TENM2: variants seen among roughly 807,000 people sequenced by gnomAD.
TENM2 encodes teneurin transmembrane protein 2.
In TENM2, 52 loss-of-function variants were observed where a neutral mutation model predicts 245.2. The observed-to-expected ratio is 0.21, with a 90% CI of 0.17 to 0.27. The LOEUF (loss-of-function observed/expected upper bound fraction) is 0.27, where lower values mean the gene tolerates loss of function less well. Ranked by LOEUF, TENM2 falls within the 10% of genes least tolerant of loss-of-function variation. TENM2 has a pLI of 1.00. For synonymous variants in TENM2, 1,363 were observed against 1,438.9 expected (o/e 0.95, Z 1.19); for missense variants, 3,046 against 3,666.8 (o/e 0.83, Z 4.37).
the TENM2 span, among the ~76,000 whole-genome samples, chr5:167,206,310 CTG>C: frequency 6.6e-6 from 1 of 152,168 alleles, no homozygotes; most frequent in Non-Finnish European, 1.5e-5. Context: ...ACCTATGACA[CTG>C]TGTTTTATTA....
chr5:167,909,081 T>C (rs867848609), intron 3 of TENM2, among the ~76,000 whole-genome samples: 15 of 151,890 alleles, frequency 9.9e-5, no homozygotes, highest in South Asian at 6.2e-4. Flanking sequence ...TTTTTTTTTT[T>C]TTTAGTAAAA....
At chr5:167,858,259 A>T (rs189665530) in intron 2 of TENM2, among the ~76,000 whole-genome samples, 4 of 152,388 alleles carry the variant, frequency 2.6e-5, no homozygotes, top group Admixed American at 2.6e-4. Flanking sequence ...CATCTGTACC[A>T]TGTCTTCATA....
At chr5:168,118,718 A>G (rs1422308238) in intron 10 of TENM2, among the ~76,000 whole-genome samples, 4 of 152,154 alleles carry the variant, frequency 2.6e-5, no homozygotes, top group South Asian at 2.1e-4. Context: ...CTTTGTAGAA[A>G]TTGATTCCTT....
intron 9 of TENM2, among the ~76,000 whole-genome samples, chr5:168,109,314 C>G (rs929070208): frequency 6.6e-6 from 1 of 152,164 alleles, no homozygotes; most frequent in Non-Finnish European, 1.5e-5. Context: ...GATAAAATAG[C>G]GTAAGAAGAA....
the TENM2 span, among the ~76,000 whole-genome samples, chr5:167,204,545 G>A: frequency 6.6e-6 from 1 of 152,194 alleles, no homozygotes; most frequent in Non-Finnish European, 1.5e-5. Flanking sequence ...TCCTGCTTAG[G>A]ATTGCCAAAA....
At chr5:167,903,263 T>C (rs1775848083) in intron 3 of TENM2, among the ~76,000 whole-genome samples, 2 of 152,184 alleles carry the variant, frequency 1.3e-5, no homozygotes, top group Non-Finnish European at 2.9e-5. Context: ...ATAAGCATTG[T>C]GAGCTCAAGA....
At chr5:168,135,089 A>G (rs184935644) in intron 12 of TENM2, among the ~76,000 whole-genome samples, 38 of 152,292 alleles carry the variant, frequency 2.5e-4, no homozygotes, top group African/African-American at 8.2e-4. Flanking sequence ...ATTTGACTCA[A>G]TCAAGTACCA....
rs562897890 is a variant in TENM2 at position 167,718,635 on chromosome 5, T to G, written c.503-157351T>G. ...TTGATATCTGAATTATTTTATCCAT[T>G]GTATAGTGGAAAGAATATGGGTTTT... On this transcript the variant is annotated intron_variant, in intron 2 of 28. Coordinates refer to ENST00000518659, the Ensembl canonical transcript of TENM2. Among the ~76,000 whole-genome samples the G allele has an allele frequency of 1.6e-3, 240 of 152,278 alleles. 1 individual carries two copies. The highest frequency in any genetic ancestry group is 1.9e-3 in the South Asian group (9 of 4,824).
At chr5:167,746,204 G>A (rs1193677047) in intron 2 of TENM2, among the ~76,000 whole-genome samples, 1 of 152,080 alleles carries the variant, frequency 6.6e-6, no homozygotes, top group Non-Finnish European at 1.5e-5. Context: ...TAACAAAAAA[G>A]CAGGCATTTC....
chr5:167,615,590 A>G (rs1777739635), intron 2 of TENM2, among the ~76,000 whole-genome samples: 1 of 152,142 alleles, frequency 6.6e-6, no homozygotes, highest in Admixed American at 6.5e-5. Context: ...CACAGATTTC[A>G]GGTGGGGCAT....
the TENM2 span, among the ~76,000 whole-genome samples, chr5:167,162,612 G>T: frequency 2.0e-5 from 3 of 147,036 alleles, no homozygotes; most frequent in African/African-American, 7.6e-5. Context: ...TGGTGACAAA[G>T]CAAGACTGTA....
At chr5:167,792,467 C>T (rs2150903697) in intron 2 of TENM2, among the ~76,000 whole-genome samples, 1 of 151,966 alleles carries the variant, frequency 6.6e-6, no homozygotes, top group Non-Finnish European at 1.5e-5. Context: ...TGGAACATAT[C>T]CCAACCAGAA....
chr5:167,021,426 GTAGAA>G, the TENM2 span, among the ~76,000 whole-genome samples: 2 of 152,204 alleles, frequency 1.3e-5, no homozygotes, highest in African/African-American at 4.8e-5. Flanking sequence ...CCATTACTTT[GTAGAA>G]TGCACAGAAC....
intron 2 of TENM2, among the ~76,000 whole-genome samples, chr5:167,501,597 T>G (rs1322505015): frequency 6.6e-6 from 1 of 152,178 alleles, no homozygotes; most frequent in African/African-American, 2.4e-5. Context: ...TTTATCTCCT[T>G]GTTTCTCCCA....
chr5:167,109,199 T>G, the TENM2 span, among the ~76,000 whole-genome samples: 2 of 152,102 alleles, frequency 1.3e-5, no homozygotes, highest in Non-Finnish European at 2.9e-5. Context: ...CTAGACCTTA[T>G]GGGCAAATAG....
rs184312662 is a variant in TENM2, at chr5:168,075,623, G to A, written c.1515+13358G>A. ...TAGAGTTTCATATGCAAGGAATCACGTGCTCTTGTGTCTGCCTTCTTTCAC... is the reference window on the plus strand; with the variant it reads ...TAGAGTTTCATATGCAAGGAATCACATGCTCTTGTGTCTGCCTTCTTTCAC... On this transcript the variant is annotated intron_variant, in intron 7 of 28. Transcript: ENST00000518659. 3.3e-5 allele frequency among the ~76,000 whole-genome samples: 5 copies of A among 152,302 alleles called. No individual in the cohort carries two copies. In the East Asian group the frequency reaches 5.8e-4, roughly 18 times the overall value.
intron 2 of TENM2, among the ~76,000 whole-genome samples, chr5:167,457,258 G>A (rs1214459971): frequency 6.6e-6 from 1 of 151,786 alleles, no homozygotes; most frequent in East Asian, 1.9e-4. Flanking sequence ...ATAAGAGTTA[G>A]ATAATTTAAG....
chr5:167,326,076 G>A (rs1757056943), intron 1 of TENM2, among the ~76,000 whole-genome samples: 1 of 152,108 alleles, frequency 6.6e-6, no homozygotes, highest in African/African-American at 2.4e-5. Flanking sequence ...AGGAGGGTGA[G>A]GGGCATTCTG....
chr5:167,881,597 G>A (rs1325188678), intron 3 of TENM2, among the ~76,000 whole-genome samples: 1 of 152,164 alleles, frequency 6.6e-6, no homozygotes, highest in Non-Finnish European at 1.5e-5. Context: ...CCGCACATAA[G>A]CCACTTTGAC....
Sources: allele counts gnomAD v4.1 joint callset (sites outside exome capture counted in the v4.1 genomes callset), GRCh38; gene constraint gnomAD v4.1.1; transcripts MANE v1.5; gene names NCBI Gene and HGNC (gene_info 2026-07-23, HGNC 2026-07-21).